ALDH7A1: variants seen among roughly 807,000 people sequenced by gnomAD.
ALDH7A1 encodes aldehyde dehydrogenase 7 family member A1.
A neutral mutation model predicts 79.9 loss-of-function variants in ALDH7A1; 63 were observed. That is an observed-to-expected ratio of 0.79 (90% confidence interval 0.64 to 0.97). The LOEUF (loss-of-function observed/expected upper bound fraction) is 0.97, where lower values mean the gene tolerates loss of function less well. ALDH7A1 is among the 50% of genes least tolerant of loss of function. ALDH7A1 has a pLI of 0.00. For synonymous variants in ALDH7A1, 240 were observed against 231.2 expected (o/e 1.04, Z -0.34); for missense variants, 627 against 665.2 (o/e 0.94, Z 0.63).
rs1390474961 is a variant in ALDH7A1 at position 126,561,102 on chromosome 5, T to G, written c.894A>C (p.Gly298=). 6.2e-7 allele frequency: 1 copy of G among 1,613,050 alleles called. No individual in the cohort carries two copies. ...CCTTACCAATAATGGCATTGTTTCC[T>G]CCAAGTTCCAACAGACTTCTCCCTT... ...ERFGRSLLEL[G]GNNAIIAFED... Residue 298 remains glycine, a synonymous_variant, in exon 10 of 18, where the codon GGA becomes GGC. Coordinates refer to ENST00000409134, the MANE Select transcript of ALDH7A1 (RefSeq NM_001182.5).
At chr5:126,583,868 A>G in intron 4 of ALDH7A1, 64 bp downstream of exon 4, 5 of 1,353,668 alleles carry the variant, frequency 3.7e-6, no homozygotes, top group Non-Finnish European at 5.3e-6. Flanking sequence ...TTTTATATAT[A>G]GAAAAGCATG....
chr5:126,559,183 T>A, intron 11 of ALDH7A1, 57 bp downstream of exon 11: 1 of 1,429,538 alleles, frequency 7.0e-7, no homozygotes, highest in South Asian at 1.2e-5. Context: ...ACAGCAGAAC[T>A]CATTAAAAAG....
intron 14 of ALDH7A1, among the ~76,000 whole-genome samples, chr5:126,551,542 C>G (rs946073125): frequency 6.6e-6 from 1 of 152,014 alleles, no homozygotes; most frequent in Non-Finnish European, 1.5e-5. Flanking sequence ...AGGCTGGTCT[C>G]GAACTCCTGA....
intron 7 of ALDH7A1, among the ~76,000 whole-genome samples, chr5:126,573,567 G>A (rs947574769): frequency 1.1e-4 from 16 of 150,466 alleles, no homozygotes; most frequent in Non-Finnish European, 2.2e-4. Context: ...GCGTGGTGGC[G>A]CACACCTGTA....
chr5:126,595,192 G>T lies in ALDH7A1; in HGVS notation c.7C>A (p.Arg3Ser). The T allele has an allele frequency of 6.4e-7, 1 of 1,551,992 alleles. No individual in the cohort carries two copies. Among genetic ancestry groups the T allele is most frequent in the Non-Finnish European group, 8.7e-7 (1 of 1,147,106 alleles). The change falls in exon 1 of 18, where the codon CGC (arginine) becomes AGC (serine). Residue 3 changes from arginine (R) to serine (S), a missense_variant. Transcript: ENST00000409134. ...TGCACACACAGCGCGCGAGGAAGGCGCCACATACTGAGCCCGGGACTCGGG... is the reference window on the plus strand; with the variant it reads ...TGCACACACAGCGCGCGAGGAAGGCTCCACATACTGAGCCCGGGACTCGGG... MW[R>S]LPRALCVHAA... is the part of the protein sequence containing the mutation.
intron 1 of ALDH7A1, 128 bp downstream of exon 1, chr5:126,594,879 T>C: frequency 5.4e-6 from 7 of 1,297,668 alleles, no homozygotes; most frequent in Non-Finnish European, 7.6e-6. Flanking sequence ...AAACTTTTAC[T>C]GTGGAGCTTC....
chr5:126,560,127 C>T (rs1421314872), intron 10 of ALDH7A1, among the ~76,000 whole-genome samples: 1 of 152,106 alleles, frequency 6.6e-6, no homozygotes. Context: ...CCGGCAGACA[C>T]TAGTGCTCAC....
intron 16 of ALDH7A1, chr5:126,549,432 T>G (rs1399931787): frequency 6.4e-6 from 1 of 156,032 alleles, no homozygotes; most frequent in Non-Finnish European, 1.4e-5. Flanking sequence ...GGGAGAGTTT[T>G]TAAGGAAAAA....
chr5:126,572,680 C>G (rs1011963980), intron 7 of ALDH7A1, among the ~76,000 whole-genome samples: 1 of 152,156 alleles, frequency 6.6e-6, no homozygotes, highest in African/African-American at 2.4e-5. Context: ...ACTGCATGTC[C>G]CTGTGGCCCC....
At chr5:126,571,504 G>A (rs1750776021) in intron 7 of ALDH7A1, among the ~76,000 whole-genome samples, 1 of 150,862 alleles carries the variant, frequency 6.6e-6, no homozygotes, top group Non-Finnish European at 1.5e-5. Flanking sequence ...TTGAGAAGAA[G>A]AAAAAAACAT....
chr5:126,576,262 C>CAAAAAAA (rs35284915), intron 6 of ALDH7A1, among the ~76,000 whole-genome samples: 3 of 89,220 alleles, frequency 3.4e-5, no homozygotes, highest in African/African-American at 9.3e-5. Context: ...GACTCTGTCA[C>CAAAAAAA]AAAAAAAAAA....
chr5:126,583,052 CA>C lies in ALDH7A1; in HGVS notation c.394-79del, dbSNP rs1270629512. ...ACATTAAATTAAAGAAAGGGGGAAG[CA>C]AAACATGTTTTGTAAATGTAATAAA... On this transcript the variant is annotated intron_variant, in intron 4 of 17. Transcript: ENST00000409134. 6.8e-5 allele frequency: 105 copies of C among 1,544,802 alleles called. No homozygotes were observed. In the African/African-American group the frequency reaches 1.2e-3, roughly 18 times the overall value.
In ALDH7A1 at chr5:126,571,150, A is replaced by ATTTTTTTTTT. The variant is rs386404930; in HGVS notation, c.696-301_696-292dup. On this transcript the variant is annotated intron_variant, in intron 7 of 17. Coordinates refer to ENST00000409134, the MANE Select transcript of ALDH7A1 (RefSeq NM_001182.5). ...GCCGTTTTCAAAAAACTATTAGCAGATTTTTTTTTTTTTTTTTTTTTTTTT... is the reference window on the plus strand; with the variant it reads ...GCCGTTTTCAAAAAACTATTAGCAGATTTTTTTTTTTTTTTTTTTTTTTTTTTTTTTTTTT... The ATTTTTTTTTT allele has an allele frequency of 1.0e-3, 232 of 221,858 alleles. 3 individuals carry two copies. Among genetic ancestry groups the ATTTTTTTTTT allele is most frequent in the African/African-American group, 5.1e-3 (191 of 37,088 alleles). 13.7% of individuals were successfully genotyped at this position (221,858 alleles called of 1,614,324 possible).
At chr5:126,594,975 C>G in intron 1 of ALDH7A1, 32 bp downstream of exon 1, 1 of 1,562,456 alleles carries the variant, frequency 6.4e-7, no homozygotes, top group Non-Finnish European at 8.7e-7. Context: ...CGAGCCCCGG[C>G]GGCTGCAGAG....
intron 10 of ALDH7A1, among the ~76,000 whole-genome samples, chr5:126,560,661 C>T (rs1036054868): frequency 2.6e-5 from 4 of 152,014 alleles, no homozygotes; most frequent in African/African-American, 9.7e-5. Flanking sequence ...CATGTTCCTT[C>T]CCAATATAAA....
chr5:126,577,052 C>G, intron 6 of ALDH7A1, 27 bp downstream of exon 6: 3 of 1,613,130 alleles, frequency 1.9e-6, no homozygotes, highest in Non-Finnish European at 2.5e-6. Context: ...TCACTCACTA[C>G]TAAATAGGAA....
At chr5:126,557,442 C>T (rs1445163015) in intron 11 of ALDH7A1, among the ~76,000 whole-genome samples, 1 of 151,788 alleles carries the variant, frequency 6.6e-6, no homozygotes, top group Non-Finnish European at 1.5e-5. Flanking sequence ...CAAAAATTAG[C>T]CAGGCACGGT....
At chr5:126,594,537 C>A (rs1393149955) in intron 1 of ALDH7A1, 2 of 279,398 alleles carry the variant, frequency 7.2e-6, no homozygotes, top group Admixed American at 4.7e-5. Flanking sequence ...CTCCACCTCC[C>A]GGGTTCAAGC....
chr5:126,564,578 C>T (rs1183740120), intron 9 of ALDH7A1: 1 of 1,248,010 alleles, frequency 8.0e-7, no homozygotes, highest in African/African-American at 1.6e-5. Flanking sequence ...AGAGTATCTT[C>T]TCATTTCCAT....
Sources: allele counts gnomAD v4.1 joint callset (sites outside exome capture counted in the v4.1 genomes callset), GRCh38; gene constraint gnomAD v4.1.1; transcripts MANE v1.5; gene names NCBI Gene and HGNC (gene_info 2026-07-23, HGNC 2026-07-21).